Variants in NALCN observed in about 807,000 individuals in gnomAD.
NALCN encodes sodium leak channel NALCN.
NALCN carries 111 observed loss-of-function variants against 225.3 expected under a neutral mutation model. The ratio of observed to expected loss-of-function variants is 0.49; its 90% CI spans 0.42 to 0.58. The LOEUF (loss-of-function observed/expected upper bound fraction) is 0.58. NALCN is among the 20% of genes least tolerant of loss of function. The pLI is 0.00. For missense variants in NALCN, 1,378 were observed against 2,202.4 expected (o/e 0.63, Z 7.49); for synonymous variants, 764 against 769.0 (o/e 0.99, Z 0.11).
chr13:101,135,595 T>A (rs567565128), intron 17 of NALCN, among the ~76,000 whole-genome samples: 1 of 152,160 alleles, frequency 6.6e-6, no homozygotes, highest in African/African-American at 2.4e-5. Flanking sequence ...GGTTTCACCA[T>A]GTTGCCCAGG....
At chr13:101,257,223 T>TTTTTTTTTG in intron 11 of NALCN, among the ~76,000 whole-genome samples, 1 of 151,034 alleles carries the variant, frequency 6.6e-6, no homozygotes, top group Non-Finnish European at 1.5e-5. Context: ...TTTTTTTTTT[T>TTTTTTTTTG]TTTTGCTAGA....
chr13:101,186,605 T>A (rs57160344), intron 14 of NALCN, among the ~76,000 whole-genome samples: 2,495 of 152,244 alleles, frequency 0.016, 63 homozygotes, highest in African/African-American at 0.056. Context: ...TTTAATTTAG[T>A]TATATAGTGT....
Position 101,345,332 on chromosome 13 carries a change from A to G in NALCN, c.733T>C (p.Cys245Arg). 1.2e-6 allele frequency: 2 copies of G among 1,613,818 alleles called. No homozygotes were observed. Among genetic ancestry groups the G allele is most frequent in the Non-Finnish European group, 1.7e-6 (2 of 1,179,806 alleles). The change falls in exon 7 of 44, where the codon TGC (cysteine) becomes CGC (arginine). Residue 245 changes from cysteine (C) to arginine (R), a missense_variant. Coordinates refer to ENST00000251127, the MANE Select transcript of NALCN (RefSeq NM_052867.4). ...EGYQCPPGFKCMDLEDLGLSR... is the reference protein window; with the variant it reads ...EGYQCPPGFKRMDLEDLGLSR... ...AGTCCCAGATCTTCAAGGTCCATGC[A>G]TTTAAATCCAGGTGGGCACTGGTAG...
chr13:101,148,956 C>T (rs2037494088), intron 15 of NALCN, among the ~76,000 whole-genome samples: 1 of 151,708 alleles, frequency 6.6e-6, no homozygotes, highest in Non-Finnish European at 1.5e-5. Context: ...GAACTGATGT[C>T]TGTCGTTGAC....
rs909813407 is a variant in NALCN at position 101,089,411 on chromosome 13, C to T, written c.3489+252G>A. On this transcript the variant is annotated intron_variant, in intron 30 of 43. Transcript: ENST00000251127. The surrounding 1 kb of genome is among the most constrained non-coding windows in gnomAD (Gnocchi z 4.7). ...TCTTTTCAATTTGAACAATAGGAGA[C>T]GCGCCTCTCAGTTGTCGGTGAATTA... 1.8e-4 allele frequency among the ~76,000 whole-genome samples: 27 copies of T among 152,170 alleles called. No homozygotes were observed. Among genetic ancestry groups the T allele is most frequent in the African/African-American group, 5.3e-4 (22 of 41,450 alleles).
intron 17 of NALCN, among the ~76,000 whole-genome samples, chr13:101,135,226 C>T (rs979346185): frequency 9.9e-5 from 15 of 152,026 alleles, no homozygotes; most frequent in Admixed American, 7.9e-4. Flanking sequence ...TATAAATATA[C>T]GCTAGATAGA....
intron 3 of NALCN, among the ~76,000 whole-genome samples, chr13:101,382,906 C>G (rs74120024): frequency 2.0e-5 from 3 of 152,064 alleles, no homozygotes; most frequent in Admixed American, 6.6e-5. Flanking sequence ...CAGAATTGAC[C>G]TCTTTTTATT....
chr13:101,290,261 G>A (rs1220567565), intron 9 of NALCN, among the ~76,000 whole-genome samples: 1 of 152,202 alleles, frequency 6.6e-6, no homozygotes, highest in Admixed American at 6.5e-5. Context: ...GATTTTATAC[G>A]TGAGAGTTAC....
intron 7 of NALCN, among the ~76,000 whole-genome samples, chr13:101,321,467 A>G (rs557664261): frequency 2.7e-4 from 41 of 152,304 alleles, no homozygotes; most frequent in African/African-American, 9.9e-4. Flanking sequence ...TAAGAGGAAA[A>G]CAGATACATT....
intron 37 of NALCN, among the ~76,000 whole-genome samples, chr13:101,073,026 T>C (rs1192340260): frequency 6.6e-6 from 1 of 152,178 alleles, no homozygotes; most frequent in African/African-American, 2.4e-5. Context: ...AGGAGAACTA[T>C]AGAGCAGCAT....
rs779571148 is a variant in NALCN at position 101,103,279 on chromosome 13, G to A, written c.2950C>T (p.Leu984Phe). The change falls in exon 26 of 44, where the codon CTT becomes TTT. Residue 984 changes from leucine (L) to phenylalanine (F), a missense_variant. Physicochemically the swap from Leu to Phe is conservative, Grantham distance 22. Around this residue, in one of 19 missense-constraint regions of NALCN, gnomAD observed 292 missense variants for 409.5 expected, o/e 0.71. Coordinates refer to ENST00000251127, the MANE Select transcript of NALCN (RefSeq NM_052867.4). The part of the protein sequence containing the change: ...QNVPAESGAQ[L>F]LMVLRCLRPL... ...CTCAGGCACCGAAGGACCATTAGAA[G>A]CTGAGCTCCCGATTCAGCAGGTACA... is the stretch of plus-strand genomic sequence containing the variant. 1.9e-6 allele frequency: 3 copies of A among 1,613,942 alleles called. 1 individual carries two copies. The South Asian group carries it at 3.3e-5, about 18-fold the overall frequency.
intron 13 of NALCN, among the ~76,000 whole-genome samples, chr13:101,203,492 C>T (rs371708131): frequency 7.9e-5 from 12 of 152,326 alleles, no homozygotes; most frequent in Admixed American, 5.9e-4. Flanking sequence ...GCTGGGATTA[C>T]AGGTGTGAGC....
rs112792482 is a variant in NALCN, at chr13:101,331,485, G to A, written c.799+13781C>T. ...GCAAAGAATTTGAGCTTGAAAATAC[G>A]TAAACAACTCTTGGAGGGACAGAGA... On this transcript the variant is annotated intron_variant, in intron 7 of 43. Transcript: ENST00000251127. Among the ~76,000 whole-genome samples the A allele has an allele frequency of 7.2e-4, 110 of 152,206 alleles. 1 individual carries two copies. The highest frequency in any genetic ancestry group is 2.3e-3 in the African/African-American group (96 of 41,552).
At chr13:101,337,957 A>T (rs1407887097) in intron 7 of NALCN, among the ~76,000 whole-genome samples, 1 of 152,144 alleles carries the variant, frequency 6.6e-6, no homozygotes, top group African/African-American at 2.4e-5. Flanking sequence ...GGATAATGAT[A>T]CCCCATGGGC....
At position 101,104,870 on chromosome 13, in the gene NALCN, G is replaced by T; in HGVS notation, c.2636+24C>A. The T allele has an allele frequency of 6.2e-7, 1 of 1,612,162 alleles. No individual in the cohort carries two copies. Among genetic ancestry groups the T allele is most frequent in the Non-Finnish European group, 8.5e-7 (1 of 1,178,554 alleles). ...TACATGAAAACTTTAAATGTGCATG[G>T]AAAATGAAGTTGGTGATGCTTACTA... On this transcript the variant is annotated intron_variant, in intron 23 of 43. Coordinates refer to ENST00000251127, the MANE Select transcript of NALCN (RefSeq NM_052867.4). The surrounding 1 kb of genome is among the most constrained non-coding windows in gnomAD (Gnocchi z 4.2).
In NALCN at chr13:101,104,633, A is replaced by C. The variant is rs1475823405; in HGVS notation, c.2654T>G (p.Val885Gly). 1 of 1,613,822 alleles carries C rather than the reference A, an allele frequency of 6.2e-7. No homozygotes were observed. The highest frequency in any genetic ancestry group is 8.5e-7 in the Non-Finnish European group (1 of 1,179,906). The change falls in exon 24 of 44, where the codon GTC becomes GGC. Residue 885 changes from valine to glycine, a missense_variant. Around this residue, in one of 19 missense-constraint regions of NALCN, gnomAD observed 292 missense variants for 409.5 expected, o/e 0.71. Transcript: ENST00000251127. The surrounding 1 kb of genome is among the most constrained non-coding windows in gnomAD (Gnocchi z 4.2). ...GATCATGACCCAGTCCAGGTAAGTG[A>C]CCAATCCCAGCAAATCACTGCCAAA... ...YHQLYDLLGL[V>G]TYLDWVMIIV...
At chr13:101,083,938 G>A (rs2033798659) in intron 30 of NALCN, 134 bp from the exon 31 acceptor site, 1 of 714,334 alleles carries the variant, frequency 1.4e-6, no homozygotes, top group African/African-American at 1.8e-5. Context: ...CCGTGGTGGT[G>A]AGAGAAACAT....
intron 7 of NALCN, among the ~76,000 whole-genome samples, chr13:101,331,687 A>C (rs578154866): frequency 6.6e-6 from 1 of 152,244 alleles, no homozygotes; most frequent in South Asian, 2.1e-4. Flanking sequence ...GAACAAACAC[A>C]AAAAACTGGT....
chr13:101,221,727 G>A (rs187767724), intron 13 of NALCN, among the ~76,000 whole-genome samples: 1 of 152,122 alleles, frequency 6.6e-6, no homozygotes, highest in East Asian at 1.9e-4. Flanking sequence ...CAAAAGGAAG[G>A]CCCAATTAAC....
Sources: gnomAD v4.1 joint callset for allele counts (sites outside exome capture counted in the v4.1 genomes callset) on GRCh38, gnomAD v4.1.1 for gene constraint, gnomAD v4.1.1 regional missense constraint, Gnocchi (gnomAD v3.1) non-coding constraint, MANE v1.5 for transcripts, NCBI Gene and HGNC (gene_info 2026-07-23, HGNC 2026-07-21) for gene names.